STK10: variants seen among roughly 807,000 people sequenced by gnomAD.
The protein encoded by STK10 is serine/threonine kinase 10.
A neutral mutation model predicts 113.8 loss-of-function variants in STK10; 78 were observed. That is an observed-to-expected ratio of 0.69 (90% CI 0.57 to 0.83). STK10 has a LOEUF of 0.83. Among genes scored for constraint, STK10 ranks in the 40% least tolerant of loss-of-function variants. The pLI is 0.00. For synonymous variants in STK10, 465 were observed against 494.7 expected (o/e 0.94, Z 0.80); for missense variants, 1,109 against 1,280.1 (o/e 0.87, Z 2.04).
intron 7 of STK10, among the ~76,000 whole-genome samples, chr5:172,100,906 C>T (rs996447740): frequency 2.0e-5 from 3 of 152,150 alleles, no homozygotes; most frequent in Non-Finnish European, 4.4e-5. Context: ...TTCATTCATT[C>T]GGAGAGGCAG....
chr5:172,107,915 T>C (rs1368024755), intron 4 of STK10, 63 bp from the exon 5 acceptor site: 7 of 1,448,428 alleles, frequency 4.8e-6, no homozygotes, highest in African/African-American at 4.2e-5. Flanking sequence ...GCCGGGGATG[T>C]GGACTCAGGG....
chr5:172,063,205 G>A (rs1451452118), intron 13 of STK10, among the ~76,000 whole-genome samples: 7 of 151,562 alleles, frequency 4.6e-5, no homozygotes, highest in Non-Finnish European at 1.0e-4. Context: ...AGCTGAGATC[G>A]TGCCACCGCA....
intron 7 of STK10, among the ~76,000 whole-genome samples, chr5:172,097,661 T>C (rs1768889906): frequency 1.3e-5 from 2 of 152,232 alleles, no homozygotes; most frequent in African/African-American, 4.8e-5. Flanking sequence ...ATCCTGCTGC[T>C]GCTGGACATC....
intron 1 of STK10, among the ~76,000 whole-genome samples, chr5:172,162,853 G>T (rs1257968076): frequency 6.6e-6 from 1 of 152,224 alleles, no homozygotes; most frequent in Non-Finnish European, 1.5e-5. Flanking sequence ...CCCAGGTGGG[G>T]ACCATTTTCC....
At chr5:172,156,566 A>C in intron 2 of STK10, 58 bp downstream of exon 2, 1 of 1,562,326 alleles carries the variant, frequency 6.4e-7, no homozygotes, top group African/African-American at 1.4e-5. Context: ...GGACCAGGCT[A>C]GCTCCAGAGC....
chr5:172,090,937 A>T (rs1324889288), intron 9 of STK10, among the ~76,000 whole-genome samples: 1 of 107,390 alleles, frequency 9.3e-6, no homozygotes, highest in Non-Finnish European at 1.8e-5. Flanking sequence ...TCCGTCTCTA[A>T]AAAAAAAAAA....
chr5:172,105,798 C>T lies in STK10; in HGVS notation c.789-61G>A, dbSNP rs369357811. On this transcript the variant is annotated intron_variant, in intron 6 of 18. Coordinates refer to ENST00000176763, the MANE Select transcript of STK10 (RefSeq NM_005990.4). The stretch of plus-strand genomic sequence containing the variant: ...GGCAAGAGCAGAGAGAAGCCCCCCA[C>T]GTCACAGACTCCACTGTCCCAATCA... 31 of 1,448,682 alleles carry T rather than the reference C, an allele frequency of 2.1e-5. No homozygotes were observed. The Middle Eastern group carries it at 1.0e-3, about 48-fold the overall frequency. 89.7% of individuals were successfully genotyped at this position (1,448,682 alleles called of 1,614,324 possible).
rs1561801940 is a variant in STK10, at chr5:172,087,627, T to TTTATTTA, written c.1685+2604_1685+2605insTAAATAA. Among the ~76,000 whole-genome samples, 914 of 98,470 alleles carry TTTATTTA rather than the reference T, an allele frequency of 9.3e-3. 130 individuals carry two copies. The highest frequency in any genetic ancestry group is 0.05 in the African/African-American group (876 of 17,546). The allele number at this position is 98,470 out of a possible 152,430, so 64.6% of individuals were successfully genotyped here. ...TTTAAATTTATTTACTTATTTATTT[T>TTTATTTA]TTTTTTTTTTTTGAGACGGAGTCTC... On this transcript the variant is annotated intron_variant, in intron 10 of 18. Transcript: ENST00000176763.
chr5:172,092,752 G>A (rs948136025), intron 9 of STK10: 15 of 152,186 alleles, frequency 9.9e-5, no homozygotes, highest in South Asian at 2.1e-4. Flanking sequence ...GGGATTTATC[G>A]GGGAGGCCAG....
At chr5:172,171,860 A>G (rs916624040) in intron 1 of STK10, among the ~76,000 whole-genome samples, 3 of 152,170 alleles carry the variant, frequency 2.0e-5, no homozygotes, top group African/African-American at 7.2e-5. Context: ...ATTAAACTGT[A>G]TACACTGGTC....
chr5:172,113,316 T>C (rs1769283027), intron 4 of STK10, among the ~76,000 whole-genome samples: 1 of 152,146 alleles, frequency 6.6e-6, no homozygotes, highest in South Asian at 2.1e-4. Context: ...ACTCTGCTTC[T>C]GAGAATTCCT....
At chr5:172,146,127 C>T (rs1483134496) in intron 2 of STK10, among the ~76,000 whole-genome samples, 2 of 152,242 alleles carry the variant, frequency 1.3e-5, no homozygotes, top group African/African-American at 4.8e-5. Flanking sequence ...GCCTCCCCCT[C>T]CTCCCTGCCC....
In STK10 at chr5:172,144,666, G is replaced by T. The variant is rs1411725561; in HGVS notation, c.321+11958C>A. On this transcript the variant is annotated intron_variant, in intron 2 of 18. Coordinates refer to ENST00000176763, the MANE Select transcript of STK10 (RefSeq NM_005990.4). Reference sequence around the variant, plus strand: ...CCCAGCCTCACCCACCACATTCGAAGGAAGCCTGGGGAAGGAATTAGGACT... The same window carrying T: ...CCCAGCCTCACCCACCACATTCGAATGAAGCCTGGGGAAGGAATTAGGACT... 1.3e-5 allele frequency among the ~76,000 whole-genome samples: 2 copies of T among 152,134 alleles called. 1 individual carries two copies. The highest frequency in any genetic ancestry group is 1.3e-4 in the Admixed American group (2 of 15,280).
At chr5:172,185,767 G>A (rs754202416) in intron 1 of STK10, among the ~76,000 whole-genome samples, 1 of 152,220 alleles carries the variant, frequency 6.6e-6, no homozygotes, top group African/African-American at 2.4e-5. Flanking sequence ...TCGTTCTCTG[G>A]TGCCACCAGG....
rs1187241817 is a variant in STK10, at chr5:172,187,822, C to T, written c.156+65G>A. The T allele has an allele frequency of 6.3e-7, 1 of 1,578,760 alleles. No homozygotes were observed. The highest frequency in any genetic ancestry group is 8.6e-7 in the Non-Finnish European group (1 of 1,163,168). On this transcript the variant is annotated intron_variant, in intron 1 of 18. Transcript: ENST00000176763. The surrounding 1 kb of genome is among the most constrained non-coding windows in gnomAD (Gnocchi z 4.6). Reference sequence around the variant, plus strand: ...CCGGAGCCAGGCTGGCCGGGTCCGGCTCAGGCATCCCTTCCTTCCGGAGCC... The same window carrying T: ...CCGGAGCCAGGCTGGCCGGGTCCGGTTCAGGCATCCCTTCCTTCCGGAGCC...
chr5:172,170,563 A>C (rs1162064814), intron 1 of STK10, among the ~76,000 whole-genome samples: 2 of 152,198 alleles, frequency 1.3e-5, no homozygotes, highest in Non-Finnish European at 2.9e-5. Flanking sequence ...TCCCTCAGGG[A>C]GGGGAAGCCT....
chr5:172,059,130 T>C (rs140653046), intron 14 of STK10, among the ~76,000 whole-genome samples: 2,458 of 149,816 alleles, frequency 0.016, 70 homozygotes, highest in African/African-American at 0.058. Flanking sequence ...CTCAGGAGGC[T>C]GAGGCAGGAG....
At chr5:172,101,970 G>T (rs1353554543) in intron 7 of STK10, among the ~76,000 whole-genome samples, 1 of 151,936 alleles carries the variant, frequency 6.6e-6, no homozygotes, top group Non-Finnish European at 1.5e-5. Context: ...CAGCAGGGTG[G>T]GGGGGGCGGA....
chr5:172,106,405 A>G (rs1489592319), intron 6 of STK10, among the ~76,000 whole-genome samples: 1 of 134,004 alleles, frequency 7.5e-6, no homozygotes, highest in African/African-American at 3.2e-5. Flanking sequence ...CTATCTCAAA[A>G]AAAAAAAAAA....
Sources: gnomAD v4.1 joint callset for allele counts (sites outside exome capture counted in the v4.1 genomes callset) on GRCh38, gnomAD v4.1.1 for gene constraint, Gnocchi (gnomAD v3.1) non-coding constraint, MANE v1.5 for transcripts, NCBI Gene and HGNC (gene_info 2026-07-23, HGNC 2026-07-21) for gene names.